Variants in SLC24A2 observed in about 807,000 individuals in gnomAD.
SLC24A2 encodes the protein sodium/potassium/calcium exchanger 2.
Under a neutral mutation model 62.0 loss-of-function variants are expected in SLC24A2, and 36 were observed. The observed-to-expected ratio is 0.58, with a 90% CI of 0.44 to 0.77. The LOEUF (loss-of-function observed/expected upper bound fraction) is 0.77, where lower values mean the gene tolerates loss of function less well. Among genes scored for constraint, SLC24A2 ranks in the 30% least tolerant of loss-of-function variants. The pLI is 0.00. For missense variants in SLC24A2, 846 were observed against 817.9 expected (o/e 1.03, Z -0.42); for synonymous variants, 358 against 294.0 (o/e 1.22, Z -2.23).
At chr9:19,800,045 A>G in the SLC24A2 span, among the ~76,000 whole-genome samples, 1 of 152,150 alleles carries the variant, frequency 6.6e-6, no homozygotes, top group African/African-American at 2.4e-5. Context: ...AGTCTCTGCC[A>G]TCTTCTTCAT....
chr9:19,849,915 A>G, the SLC24A2 span, among the ~76,000 whole-genome samples: 1 of 152,218 alleles, frequency 6.6e-6, no homozygotes, highest in Admixed American at 6.5e-5. Flanking sequence ...TAAAAAGTAA[A>G]AAGAACTGAT....
the SLC24A2 span, among the ~76,000 whole-genome samples, chr9:20,214,941 C>A: frequency 3.3e-5 from 5 of 152,198 alleles, no homozygotes; most frequent in Non-Finnish European, 7.3e-5. Context: ...ATACAAAAAT[C>A]CTATCTAATG....
the SLC24A2 span, among the ~76,000 whole-genome samples, chr9:19,976,741 T>C: frequency 1.3e-5 from 2 of 152,296 alleles, no homozygotes; most frequent in African/African-American, 4.8e-5. Context: ...CAGATTTTGG[T>C]ATCTGCAGGG....
intron 2 of SLC24A2, among the ~76,000 whole-genome samples, chr9:19,646,865 T>C (rs1428660060): frequency 2.1e-4 from 32 of 151,944 alleles, no homozygotes; most frequent in Non-Finnish European, 2.9e-5. Context: ...GCACATACAC[T>C]CACACACATG....
the SLC24A2 span, among the ~76,000 whole-genome samples, chr9:20,154,412 G>A: frequency 6.6e-6 from 1 of 151,830 alleles, no homozygotes; most frequent in South Asian, 2.1e-4. Context: ...GAGAGAATCT[G>A]GGGAAGGTTA....
chr9:19,782,330 A>G (rs1479815768), intron 2 of SLC24A2, among the ~76,000 whole-genome samples: 1 of 152,210 alleles, frequency 6.6e-6, no homozygotes, highest in Non-Finnish European at 1.5e-5. Context: ...TTAAGAAGAG[A>G]GCCCCAAACA....
the SLC24A2 span, among the ~76,000 whole-genome samples, chr9:20,008,037 A>T: frequency 6.6e-6 from 1 of 151,520 alleles, no homozygotes; most frequent in South Asian, 2.1e-4. Context: ...CTGAGACTAC[A>T]GGTGCGCACC....
the SLC24A2 span, among the ~76,000 whole-genome samples, chr9:20,014,020 T>G: frequency 6.6e-6 from 1 of 152,046 alleles, no homozygotes; most frequent in Non-Finnish European, 1.5e-5. Context: ...CCAGCCTCAG[T>G]AACAAAGTGA....
chr9:19,789,078 G>T (rs1823268287), upstream of SLC24A2, among the ~76,000 whole-genome samples: 1 of 152,176 alleles, frequency 6.6e-6, no homozygotes, highest in African/African-American at 2.4e-5. Context: ...GGCGCTGCCC[G>T]GCCCCCGCCG....
chr9:20,000,993 C>G, the SLC24A2 span, among the ~76,000 whole-genome samples: 2 of 152,118 alleles, frequency 1.3e-5, no homozygotes, highest in African/African-American at 4.8e-5. Flanking sequence ...TCTTGGTATC[C>G]AAGAGCAAAG....
intron 2 of SLC24A2, among the ~76,000 whole-genome samples, chr9:19,752,731 T>C (rs1339240534): frequency 6.6e-6 from 1 of 152,172 alleles, no homozygotes; most frequent in Non-Finnish European, 1.5e-5. Flanking sequence ...AATGAATCTA[T>C]GTGTACTCAA....
chr9:19,944,621 A>C, the SLC24A2 span, among the ~76,000 whole-genome samples: 1 of 152,142 alleles, frequency 6.6e-6, no homozygotes. Context: ...ATTTTCCACC[A>C]GTCTTACCCC....
the SLC24A2 span, among the ~76,000 whole-genome samples, chr9:20,298,097 G>A: frequency 1.3e-5 from 2 of 152,186 alleles, no homozygotes; most frequent in Admixed American, 6.5e-5. Flanking sequence ...CACAGAACTA[G>A]GTGACTGATA....
chr9:19,581,663 T>G (rs1836214227), intron 5 of SLC24A2, among the ~76,000 whole-genome samples: 1 of 152,322 alleles, frequency 6.6e-6, no homozygotes, highest in African/African-American at 2.4e-5. Flanking sequence ...AAGATTGATA[T>G]TTAAAATAGA....
At chr9:19,686,228 T>A (rs1819876957) in intron 2 of SLC24A2, among the ~76,000 whole-genome samples, 1 of 152,150 alleles carries the variant, frequency 6.6e-6, no homozygotes, top group South Asian at 2.1e-4. Flanking sequence ...CTCAAGCCAG[T>A]CATAATGGCT....
chr9:19,866,073 A>G, the SLC24A2 span, among the ~76,000 whole-genome samples: 1 of 152,236 alleles, frequency 6.6e-6, no homozygotes, highest in African/African-American at 2.4e-5. Context: ...GAATACATAC[A>G]TATGGCAAAC....
chr9:20,102,251 A>G, the SLC24A2 span, among the ~76,000 whole-genome samples: 1 of 152,192 alleles, frequency 6.6e-6, no homozygotes, highest in Non-Finnish European at 1.5e-5. Context: ...CTACTAATCT[A>G]GGCAGAGATA....
At chr9:19,659,943 A>G (rs985780023) in intron 2 of SLC24A2, among the ~76,000 whole-genome samples, 19 of 152,172 alleles carry the variant, frequency 1.2e-4, no homozygotes, top group South Asian at 6.2e-4. Context: ...ACTGGACAGT[A>G]CCCTCATTTT....
chr9:19,514,773 A>T lies in SLC24A2; in HGVS notation c.*1380T>A, dbSNP rs1832860587. 6.6e-6 allele frequency: 1 copy of T among 152,142 alleles called. No individual in the cohort carries two copies. The highest frequency in any genetic ancestry group is 2.1e-4 in the South Asian group (1 of 4,832). 9.4% of individuals were successfully genotyped at this position (152,142 alleles called of 1,614,324 possible). On this transcript the variant is annotated 3_prime_UTR_variant, in exon 11 of 11. Coordinates refer to ENST00000341998, the MANE Select transcript of SLC24A2 (RefSeq NM_020344.4). ...AGACATAGATGTTACAAGAACTTTAACCAAAGCCTGGTCCTGGTACCACTC... is the reference window on the plus strand; with the variant it reads ...AGACATAGATGTTACAAGAACTTTATCCAAAGCCTGGTCCTGGTACCACTC...
Sources: gnomAD v4.1 joint callset for allele counts (sites outside exome capture counted in the v4.1 genomes callset) on GRCh38, gnomAD v4.1.1 for gene constraint, MANE v1.5 for transcripts, NCBI Gene and HGNC (gene_info 2026-07-23, HGNC 2026-07-21) for gene names.